The following DDR2 variants were observed in gnomAD, a reference collection of about 807,000 sequenced individuals.
DDR2 encodes discoidin domain-containing receptor 2.
A neutral mutation model predicts 94.9 loss-of-function variants in DDR2; 27 were observed. That is an observed-to-expected ratio of 0.28 (90% CI 0.21 to 0.39). DDR2 has a LOEUF of 0.39. DDR2 is among the 10% of genes least tolerant of loss of function. The pLI, the probability that DDR2 is intolerant of heterozygous loss-of-function variation, is 1.00. For synonymous variants in DDR2, 382 were observed against 377.2 expected, an observed-to-expected ratio of 1.01 and a Z score of -0.15; for missense variants, 783 against 1,076.0, an observed-to-expected ratio of 0.73 and a Z score of 3.81.
chr1:162,775,946 T>A, intron 15 of DDR2, 103 bp downstream of exon 15: 1 of 1,511,084 alleles, frequency 6.6e-7, no homozygotes, highest in Non-Finnish European at 9.1e-7. Context: ...TGTTCTGGGA[T>A]GGTGGGGGAA....
At chr1:162,779,191 T>G (rs1241622339) in intron 17 of DDR2, among the ~76,000 whole-genome samples, 1 of 152,216 alleles carries the variant, frequency 6.6e-6, no homozygotes, top group Admixed American at 6.5e-5. Flanking sequence ...AGATATATCC[T>G]AAACTTGTTG....
chr1:162,728,178 CTCTTTATATATATATAGATAGATATA>C lies in DDR2; in HGVS notation c.82+9074_82+9099del, dbSNP rs1266753487. Reference sequence around the variant, plus strand: ...TCTATATAAATATATAGATAGATATCTCTTTATATATATATAGATAGATATATCTTTATATATATATAGATAGATAT... The same window carrying C: ...TCTATATAAATATATAGATAGATATCTCTTTATATATATATAGATAGATAT... On this transcript the variant is annotated intron_variant, in intron 3 of 17. Coordinates refer to ENST00000367921, the MANE Select transcript of DDR2 (RefSeq NM_006182.4). 5.4e-3 allele frequency among the ~76,000 whole-genome samples: 715 copies of C among 133,586 alleles called. 8 individuals carry two copies. Among genetic ancestry groups the C allele is most frequent in the African/African-American group, 0.018 (633 of 35,798 alleles). The allele number at this position is 133,586 out of a possible 152,430, so 87.6% of individuals were successfully genotyped here. A position where few individuals can be genotyped will look rare whatever the true frequency, so the allele number is the denominator to read the frequency against.
Position 162,707,143 on chromosome 1 carries a change from A to G in DDR2, c.-27-11894A>G, listed in dbSNP as rs16843702. Among the ~76,000 whole-genome samples, 1,136 of 152,178 alleles carry G rather than the reference A, an allele frequency of 7.5e-3. 19 individuals carry two copies. Among genetic ancestry groups the G allele is most frequent in the African/African-American group, 0.025 (1,042 of 41,526 alleles). ...TAGGTATGGGGCTAGAGAGCCTTCA[A>G]TCTTAGTGTCTGTATGTCCCTGGGC... On this transcript the variant is annotated intron_variant, in intron 2 of 17. Coordinates refer to ENST00000367921, the MANE Select transcript of DDR2 (RefSeq NM_006182.4).
chr1:162,763,184 C>T (rs1663827488), intron 9 of DDR2, among the ~76,000 whole-genome samples: 1 of 148,620 alleles, frequency 6.7e-6, no homozygotes, highest in African/African-American at 2.5e-5. Context: ...CTAGAGTTTG[C>T]ATTTTTTTTT....
At chr1:162,639,494 G>A (rs190632187) in intron 1 of DDR2, among the ~76,000 whole-genome samples, 18 of 152,246 alleles carry the variant, frequency 1.2e-4, no homozygotes, top group Non-Finnish European at 1.3e-4. Flanking sequence ...AACTCAAAGT[G>A]GATCATAGAC....
intron 1 of DDR2, among the ~76,000 whole-genome samples, chr1:162,635,186 T>C (rs1656752351): frequency 6.6e-6 from 1 of 152,354 alleles, no homozygotes; most frequent in Admixed American, 6.5e-5. Context: ...GCACTTTTCT[T>C]TCCTTCTTGT....
intron 1 of DDR2, among the ~76,000 whole-genome samples, chr1:162,638,859 A>G (rs1418974426): frequency 1.3e-4 from 20 of 152,224 alleles, no homozygotes; most frequent in Admixed American, 1.3e-3. Flanking sequence ...TGGACATAAT[A>G]ACGCTAAAAT....
chr1:162,708,515 G>A (rs1021584405), intron 2 of DDR2, among the ~76,000 whole-genome samples: 5 of 152,168 alleles, frequency 3.3e-5, no homozygotes, highest in African/African-American at 1.2e-4. Context: ...TGAACTGGAA[G>A]GTTCTTGAGG....
chr1:162,775,687 G>T lies in DDR2; in HGVS notation c.1892G>T (p.Arg631Leu), dbSNP rs779963287. The change falls in exon 15 of 18, where the codon CGG becomes CTG. Residue 631 changes from arginine to leucine, a missense_variant. Physicochemically the swap from Arg to Leu is moderately radical, Grantham distance 102. Around this residue, in one of 2 missense-constraint regions of DDR2, gnomAD observed 264 missense variants for 428.2 expected, o/e 0.62. Coordinates refer to ENST00000367921, the MANE Select transcript of DDR2 (RefSeq NM_006182.4). ...DFLKEIKIMS[R>L]LKDPNIIHLL... ...CTTAAGGAGATAAAGATCATGTCTC[G>T]GCTCAAGGACCCAAACATCATCCAT... 1 of 1,613,820 alleles carries T rather than the reference G, an allele frequency of 6.2e-7. No individual in the cohort carries two copies. The highest frequency in any genetic ancestry group is 1.7e-5 in the Admixed American group (1 of 59,980).
rs966480628 is a variant in DDR2 at position 162,781,592 on chromosome 1, G to A, written c.*1346G>A. On this transcript the variant is annotated 3_prime_UTR_variant, in exon 18 of 18. Coordinates refer to ENST00000367921, the MANE Select transcript of DDR2 (RefSeq NM_006182.4). Reference sequence around the variant, plus strand: ...CTAACTCCGAGAGTCCTTGATTCTGGAGAGGCACAGGATGAACATCTGTTG... The same window carrying A: ...CTAACTCCGAGAGTCCTTGATTCTGAAGAGGCACAGGATGAACATCTGTTG... The A allele has an allele frequency of 1.3e-5, 2 of 152,190 alleles. 1 individual carries two copies. Among genetic ancestry groups the A allele is most frequent in the South Asian group, 4.2e-4 (2 of 4,818 alleles). 9.4% of individuals were successfully genotyped at this position (152,190 alleles called of 1,614,324 possible). A position where few individuals can be genotyped will look rare whatever the true frequency, so the allele number is the denominator to read the frequency against.
At chr1:162,730,873 T>C (rs1384712058) in intron 3 of DDR2, among the ~76,000 whole-genome samples, 1 of 152,204 alleles carries the variant, frequency 6.6e-6, no homozygotes, top group South Asian at 2.1e-4. Context: ...GCTCGAGGGA[T>C]ACCAGGTCTC....
intron 8 of DDR2, 24 bp from the exon 9 acceptor site, chr1:162,761,187 C>G: frequency 6.2e-7 from 1 of 1,613,824 alleles, no homozygotes; most frequent in Non-Finnish European, 8.5e-7. Flanking sequence ...CAACCTATCA[C>G]TCACATGCCT....
intron 4 of DDR2, 33 bp downstream of exon 4, chr1:162,753,230 C>A: frequency 6.3e-7 from 1 of 1,598,866 alleles, no homozygotes; most frequent in South Asian, 1.1e-5. Context: ...AGCCCATGTT[C>A]TGGGGTTGGG....
intron 1 of DDR2, among the ~76,000 whole-genome samples, chr1:162,646,143 A>G (rs1052375372): frequency 5.9e-5 from 9 of 152,208 alleles, no homozygotes; most frequent in Non-Finnish European, 1.2e-4. Context: ...GTAAACACCA[A>G]TGAAAAGCCA....
Position 162,775,517 on chromosome 1 carries a change from T to C in DDR2, c.1857-135T>C, listed in dbSNP as rs866675747. ...AGACAGATCCAGGTGTCAATTTCTC[T>C]GTCCTCTCAAAAGTTATCCAAAGGG... On this transcript the variant is annotated intron_variant, in intron 14 of 17. Coordinates refer to ENST00000367921, the MANE Select transcript of DDR2 (RefSeq NM_006182.4). 6.3e-5 allele frequency: 55 copies of C among 870,552 alleles called. 1 individual carries two copies. The South Asian group carries it at 7.8e-4, about 12-fold the overall frequency. 53.9% of individuals were successfully genotyped at this position (870,552 alleles called of 1,614,324 possible).
At chr1:162,758,561 C>G (rs560521205) in intron 7 of DDR2, among the ~76,000 whole-genome samples, 1 of 152,104 alleles carries the variant, frequency 6.6e-6, no homozygotes, top group South Asian at 2.1e-4. Flanking sequence ...AGTAAACTTA[C>G]GTTCTCCTAG....
chr1:162,761,600 G>A, intron 9 of DDR2, 146 bp downstream of exon 9: 2 of 1,335,510 alleles, frequency 1.5e-6, no homozygotes, highest in African/African-American at 1.4e-5. Flanking sequence ...AATCCTTTGT[G>A]TGACTAGTTT....
chr1:162,694,444 A>G (rs1660095038), intron 2 of DDR2, among the ~76,000 whole-genome samples: 1 of 150,528 alleles, frequency 6.6e-6, no homozygotes, highest in Non-Finnish European at 1.5e-5. Context: ...TCTTTCCCCC[A>G]CCTCCTCATT....
At chr1:162,714,303 A>C (rs970631372) in intron 2 of DDR2, among the ~76,000 whole-genome samples, 3 of 151,952 alleles carry the variant, frequency 2.0e-5, no homozygotes, top group Admixed American at 2.0e-4. Flanking sequence ...TATTCTTTTC[A>C]TTTCTGGATT....
Sources: gnomAD v4.1 joint callset for allele counts (sites outside exome capture counted in the v4.1 genomes callset) on GRCh38, gnomAD v4.1.1 for gene constraint, gnomAD v4.1.1 regional missense constraint, MANE v1.5 for transcripts, NCBI Gene and HGNC (gene_info 2026-07-23, HGNC 2026-07-21) for gene names.